The following ZMAT3 variants were observed in gnomAD, a reference collection of about 807,000 sequenced individuals.
ZMAT3 encodes zinc finger matrin-type protein 3.
ZMAT3 carries 17 observed loss-of-function variants against 32.3 expected under a neutral mutation model. The observed-to-expected ratio is 0.53, with a 90% CI of 0.36 to 0.79. The LOEUF (loss-of-function observed/expected upper bound fraction) is 0.79. Ranked by LOEUF, ZMAT3 falls within the 30% of genes least tolerant of loss-of-function variation. ZMAT3 has a pLI of 0.00. For synonymous variants in ZMAT3, 120 were observed against 133.1 expected (o/e 0.90, Z 0.68); for missense variants, 329 against 359.7 (o/e 0.91, Z 0.69).
At chr3:179,025,337 A>C in intron 5 of ZMAT3, 109 bp from the exon 6 acceptor site, 1 of 952,314 alleles carries the variant, frequency 1.1e-6, no homozygotes, top group Non-Finnish European at 1.6e-6. Flanking sequence ...TAAAATTCAC[A>C]GATTCTTAGC....
At chr3:179,042,082 G>A (rs1719968748) in intron 2 of ZMAT3, among the ~76,000 whole-genome samples, 1 of 152,114 alleles carries the variant, frequency 6.6e-6, no homozygotes, top group African/African-American at 2.4e-5. Flanking sequence ...CTGAAATTGA[G>A]GCAATAATTA....
At chr3:179,051,565 T>A (rs1157452102) in intron 2 of ZMAT3, among the ~76,000 whole-genome samples, 1 of 152,084 alleles carries the variant, frequency 6.6e-6, no homozygotes, top group Non-Finnish European at 1.5e-5. Flanking sequence ...GTTGTGAAAA[T>A]GACCACACTG....
At chr3:179,039,027 G>A (rs1719762813) in intron 2 of ZMAT3, among the ~76,000 whole-genome samples, 3 of 152,244 alleles carry the variant, frequency 2.0e-5, no homozygotes, top group Admixed American at 1.3e-4. Flanking sequence ...AGCCATTGCT[G>A]AGGCTTGAGT....
intron 2 of ZMAT3, among the ~76,000 whole-genome samples, chr3:179,036,947 G>A (rs1033582701): frequency 4.6e-5 from 7 of 152,120 alleles, no homozygotes; most frequent in Admixed American, 6.5e-5. Context: ...CAATCAGCAC[G>A]CACTCCCCCA....
chr3:179,051,838 C>G (rs138163942), intron 2 of ZMAT3, among the ~76,000 whole-genome samples: 153 of 152,158 alleles, frequency 1.0e-3, no homozygotes, highest in African/African-American at 3.6e-3. Flanking sequence ...GCATTTAGAC[C>G]AATAAAACAG....
rs533626965 is a variant in ZMAT3 at position 179,056,178 on chromosome 3, C to G, written c.270+11305G>C. On this transcript the variant is annotated intron_variant, in intron 2 of 5. Transcript: ENST00000311417. The stretch of plus-strand genomic sequence containing the variant: ...AACTAATCTTAAAGGATAAGTTTAT[C>G]ACTCAGTCAGCTGCAGACATTAGAA... Among the ~76,000 whole-genome samples, 24 of 152,276 alleles carry G rather than the reference C, an allele frequency of 1.6e-4. No individual in the cohort carries two copies. The East Asian group carries it at 4.2e-3, about 27-fold the overall frequency.
At chr3:179,049,108 C>A (rs989619184) in intron 2 of ZMAT3, among the ~76,000 whole-genome samples, 18 of 152,076 alleles carry the variant, frequency 1.2e-4, no homozygotes, top group African/African-American at 4.1e-4. Flanking sequence ...AAGGACTAGT[C>A]CAAAAGGAAA....
intron 3 of ZMAT3, among the ~76,000 whole-genome samples, chr3:179,029,679 T>A (rs1719075730): frequency 1.3e-5 from 2 of 152,214 alleles, no homozygotes; most frequent in South Asian, 4.2e-4. Context: ...AATACCAAAA[T>A]TTTACATTCA....
chr3:179,066,307 CA>C (rs1721414965), intron 2 of ZMAT3, among the ~76,000 whole-genome samples: 1 of 152,138 alleles, frequency 6.6e-6, no homozygotes, highest in African/African-American at 2.4e-5. Context: ...ATAATTAACT[CA>C]ACTCTCTGCA....
At chr3:179,026,112 T>C (rs1342876950) in intron 5 of ZMAT3, among the ~76,000 whole-genome samples, 4 of 152,178 alleles carry the variant, frequency 2.6e-5, no homozygotes, top group Non-Finnish European at 1.5e-5. Context: ...CCATGAGTTA[T>C]TTAGAAGTGT....
intron 2 of ZMAT3, among the ~76,000 whole-genome samples, chr3:179,043,129 G>A (rs1193492551): frequency 2.0e-5 from 3 of 152,094 alleles, no homozygotes; most frequent in East Asian, 1.9e-4. Flanking sequence ...AATCAATATC[G>A]TGAAAATAGC....
chr3:179,055,166 C>T (rs1386592367), intron 2 of ZMAT3, among the ~76,000 whole-genome samples: 1 of 152,104 alleles, frequency 6.6e-6, no homozygotes, highest in South Asian at 2.1e-4. Flanking sequence ...GCAAAAACGC[C>T]CCTAAGATGT....
At chr3:179,028,416 G>A (rs1718996739) in intron 3 of ZMAT3, among the ~76,000 whole-genome samples, 1 of 152,064 alleles carries the variant, frequency 6.6e-6, no homozygotes, top group Non-Finnish European at 1.5e-5. Flanking sequence ...TAAGTATTAG[G>A]TTAACAAAAA....
In ZMAT3 at chr3:179,023,689, A is replaced by AATATATATATAT. The variant is rs1232846996; in HGVS notation, c.*1327_*1328insATATATATATAT. ...CTTTGTTTCCTAAAAACTGCTGGAAAATATATCTATATATATATATATTTT... is the reference window on the plus strand; with the variant it reads ...CTTTGTTTCCTAAAAACTGCTGGAAAATATATATATATATATATCTATATATATATATATTTT... On this transcript the variant is annotated 3_prime_UTR_variant, in exon 6 of 6. Transcript: ENST00000311417. 251 of 42,210 alleles carry AATATATATATAT rather than the reference A, an allele frequency of 5.9e-3. 40 individuals are homozygous for AATATATATATAT. The highest frequency in any genetic ancestry group is 0.038 in the Middle Eastern group (2 of 52). 2.6% of individuals were successfully genotyped at this position (42,210 alleles called of 1,614,324 possible).
At chr3:179,030,224 C>T (rs977541459) in intron 3 of ZMAT3, among the ~76,000 whole-genome samples, 9 of 152,128 alleles carry the variant, frequency 5.9e-5, no homozygotes, top group Non-Finnish European at 1.2e-4. Flanking sequence ...TCTCAAACAC[C>T]TAATTTTGCA....
chr3:179,028,097 G>A (rs1374096368), intron 3 of ZMAT3, among the ~76,000 whole-genome samples: 4 of 152,210 alleles, frequency 2.6e-5, no homozygotes, highest in African/African-American at 7.2e-5. Flanking sequence ...ATTTAGGACA[G>A]TAAGTCATGG....
At chr3:179,057,058 G>T (rs574853036) in intron 2 of ZMAT3, among the ~76,000 whole-genome samples, 1 of 152,246 alleles carries the variant, frequency 6.6e-6, no homozygotes, top group East Asian at 1.9e-4. Flanking sequence ...AAAGGATTCC[G>T]CGTCCTTTCC....
chr3:179,026,238 A>G (rs929313279), intron 5 of ZMAT3, among the ~76,000 whole-genome samples: 14 of 152,066 alleles, frequency 9.2e-5, no homozygotes, highest in African/African-American at 3.4e-4. Context: ...TATTTTTCTG[A>G]TATTAATACA....
At chr3:179,045,093 C>T (rs565285787) in intron 2 of ZMAT3, among the ~76,000 whole-genome samples, 3 of 151,672 alleles carry the variant, frequency 2.0e-5, no homozygotes, top group East Asian at 1.9e-4. Context: ...GTTACCTAGA[C>T]GAGTCGGTGA....
Sources: gnomAD v4.1 joint callset for allele counts (sites outside exome capture counted in the v4.1 genomes callset) on GRCh38, gnomAD v4.1.1 for gene constraint, MANE v1.5 for transcripts, NCBI Gene and HGNC (gene_info 2026-07-23, HGNC 2026-07-21) for gene names.